RAPGEF5: variants seen among roughly 807,000 people sequenced by gnomAD.
RAPGEF5 encodes M-Ras-regulated GEF.
In RAPGEF5, 65 loss-of-function variants were observed where a neutral mutation model predicts 125.2. The observed-to-expected ratio is 0.52, with a 90% CI of 0.43 to 0.64. The LOEUF (loss-of-function observed/expected upper bound fraction) is 0.64, where lower values mean the gene tolerates loss of function less well. RAPGEF5 is among the 30% of genes least tolerant of loss of function. The pLI is 0.00. For missense variants in RAPGEF5, 958 were observed against 1,048.1 expected (o/e 0.91, Z 1.19); for synonymous variants, 391 against 385.9 (o/e 1.01, Z -0.16).
chr7:22,244,882 T>C (rs1455553909), intron 7 of RAPGEF5, among the ~76,000 whole-genome samples: 1 of 152,242 alleles, frequency 6.6e-6, no homozygotes, highest in Non-Finnish European at 1.5e-5. Flanking sequence ...ATTACATTTC[T>C]AGTTTTTTGA....
chr7:22,299,025 T>C (rs1337675096), intron 5 of RAPGEF5, among the ~76,000 whole-genome samples: 3 of 152,004 alleles, frequency 2.0e-5, no homozygotes, highest in Non-Finnish European at 4.4e-5. Flanking sequence ...GTACCTTTTT[T>C]TTTTTTTTCA....
At chr7:22,139,987 A>AT in intron 21 of RAPGEF5, 38 bp downstream of exon 21, 1 of 1,489,368 alleles carries the variant, frequency 6.7e-7, no homozygotes, top group Non-Finnish European at 9.2e-7. Context: ...CTTTATTTCC[A>AT]TTTTATGTGC....
chr7:22,181,327 A>T (rs1242899520), intron 11 of RAPGEF5, among the ~76,000 whole-genome samples: 1 of 152,230 alleles, frequency 6.6e-6, no homozygotes, highest in East Asian at 1.9e-4. Flanking sequence ...TAATAAGAAA[A>T]AAATAGCAGA....
intron 9 of RAPGEF5, among the ~76,000 whole-genome samples, chr7:22,202,331 G>A (rs571209777): frequency 1.3e-5 from 2 of 152,178 alleles, no homozygotes; most frequent in African/African-American, 4.8e-5. Flanking sequence ...TGCAGACAAG[G>A]CCTCAACCTA....
chr7:22,122,226 C>G lies in RAPGEF5; in HGVS notation c.*180G>C, dbSNP rs1311812761. ...CCGAGAGTAGCATGGAGAAACCTCT[C>G]CCCCTCTCTGGTGGCTGACATCACT... is the stretch of plus-strand genomic sequence containing the variant. On this transcript the variant is annotated 3_prime_UTR_variant, in exon 26 of 26. Transcript: ENST00000665637. 1.8e-6 allele frequency: 1 copy of G among 564,226 alleles called. No individual in the cohort carries two copies. The highest frequency in any genetic ancestry group is 1.9e-5 in the African/African-American group (1 of 53,362). The allele number at this position is 564,226 out of a possible 1,614,324, so 35.0% of individuals were successfully genotyped here.
intron 1 of RAPGEF5, among the ~76,000 whole-genome samples, chr7:22,344,599 A>C (rs1784188701): frequency 6.6e-6 from 1 of 152,186 alleles, no homozygotes; most frequent in Non-Finnish European, 1.5e-5. Context: ...GACTGAACCC[A>C]ACCTAAGCCA....
At chr7:22,195,671 T>C (rs972759377) in intron 9 of RAPGEF5, among the ~76,000 whole-genome samples, 3 of 152,100 alleles carry the variant, frequency 2.0e-5, no homozygotes, top group Non-Finnish European at 4.4e-5. Context: ...GTTATCTATG[T>C]GGCTGAAGTG....
chr7:22,197,536 T>G (rs1785174629), intron 9 of RAPGEF5, among the ~76,000 whole-genome samples: 1 of 152,176 alleles, frequency 6.6e-6, no homozygotes, highest in Non-Finnish European at 1.5e-5. Context: ...TAACTCTTAT[T>G]TATCCCACAA....
Position 22,228,491 on chromosome 7 carries a change from C to T in RAPGEF5, c.870+2355G>A, listed in dbSNP as rs147321163. On this transcript the variant is annotated intron_variant, in intron 8 of 25. Transcript: ENST00000665637. ...TAGGAGCACAAGAGAGTTAACTTGCCCAAAGGTTTTTTGTTTTGCTTTGTT... is the reference window on the plus strand; with the variant it reads ...TAGGAGCACAAGAGAGTTAACTTGCTCAAAGGTTTTTTGTTTTGCTTTGTT... Among the ~76,000 whole-genome samples the T allele has an allele frequency of 1.5e-3, 224 of 151,890 alleles. 2 individuals carry two copies. Among genetic ancestry groups the T allele is most frequent in the African/African-American group, 5.1e-3 (212 of 41,414 alleles).
intron 7 of RAPGEF5, among the ~76,000 whole-genome samples, chr7:22,248,692 C>T (rs527395943): frequency 9.9e-5 from 15 of 152,164 alleles, no homozygotes; most frequent in Admixed American, 2.0e-4. Context: ...GTGATAAACG[C>T]GTGTCTGCTC....
chr7:22,267,011 AC>A lies in RAPGEF5; in HGVS notation c.748del (p.Val250CysfsTer5). Reference sequence around the variant, plus strand: ...AATAACAGCTGCTAGCTCTCTCTGCACCTAATAAAATATTAGGGGGGAAAAT... The same window carrying A: ...AATAACAGCTGCTAGCTCTCTCTGCACTAATAAAATATTAGGGGGGAAAAT... Reference protein sequence around the residue: ...DEILVRLTSAVQRELAAVIAL... With the variant: ...DEILVRLTSAXQRELAAVIAL... On this transcript the variant is annotated frameshift_variant and splice_region_variant, in exon 7 of 26. Transcript: ENST00000665637. LOFTEE classifies it high-confidence loss of function. 2 of 1,607,706 alleles carry A rather than the reference AC, an allele frequency of 1.2e-6. No homozygotes were observed. Among genetic ancestry groups the A allele is most frequent in the Non-Finnish European group, 1.7e-6 (2 of 1,175,262 alleles).
intron 3 of RAPGEF5, among the ~76,000 whole-genome samples, chr7:22,312,670 A>G (rs1394300614): frequency 6.6e-6 from 1 of 152,186 alleles, no homozygotes; most frequent in African/African-American, 2.4e-5. Context: ...TATTAATTAA[A>G]AACTGAGCCC....
intron 11 of RAPGEF5, among the ~76,000 whole-genome samples, chr7:22,181,804 G>C (rs77014793): frequency 0.013 from 1,958 of 152,298 alleles, 47 homozygotes; most frequent in African/African-American, 0.046. Context: ...AAGAAAGCCT[G>C]AGGCAGAAAA....
In RAPGEF5 at chr7:22,267,684, G is replaced by A. The variant is rs182820360; in HGVS notation, c.748-672C>T. Among the ~76,000 whole-genome samples the A allele has an allele frequency of 2.3e-3, 347 of 152,024 alleles. 2 individuals are homozygous for A. Among genetic ancestry groups the A allele is most frequent in the Admixed American group, 9.1e-3 (139 of 15,262 alleles). ...CTTCCCACTTTGAACACTTAAATCC[G>A]TCCTTGAAAACATTTTCAAAGCAGA... On this transcript the variant is annotated intron_variant, in intron 6 of 25. Coordinates refer to ENST00000665637, the MANE Select transcript of RAPGEF5 (RefSeq NM_012294.5).
intron 5 of RAPGEF5, among the ~76,000 whole-genome samples, chr7:22,302,636 A>G (rs1783236712): frequency 1.3e-5 from 2 of 152,174 alleles, no homozygotes; most frequent in Admixed American, 6.5e-5. Flanking sequence ...CCATGTACCC[A>G]GAGGCTACCT....
intron 11 of RAPGEF5, chr7:22,192,698 T>C (rs1785032685): frequency 6.6e-6 from 1 of 152,304 alleles, no homozygotes. Flanking sequence ...TAAGTCATTT[T>C]GTAAGTGGAA....
At chr7:22,220,158 A>T in intron 8 of RAPGEF5, 167 bp from the exon 9 acceptor site, 1 of 795,078 alleles carries the variant, frequency 1.3e-6, no homozygotes, top group South Asian at 2.1e-5. Context: ...CATTATTATA[A>T]CCTAAGAGCA....
At chr7:22,242,348 T>C (rs1433910799) in intron 7 of RAPGEF5, among the ~76,000 whole-genome samples, 5 of 152,192 alleles carry the variant, frequency 3.3e-5, no homozygotes, top group Non-Finnish European at 5.9e-5. Context: ...AGTTTCCACA[T>C]GCCCTGGGGA....
chr7:22,161,187 C>T (rs545134642), intron 13 of RAPGEF5, among the ~76,000 whole-genome samples: 77 of 152,018 alleles, frequency 5.1e-4, no homozygotes, highest in South Asian at 2.5e-3. Flanking sequence ...CCAGCCTAGG[C>T]GACAGAGCGA....
Sources: allele counts gnomAD v4.1 joint callset (sites outside exome capture counted in the v4.1 genomes callset), GRCh38; gene constraint gnomAD v4.1.1; transcripts MANE v1.5; gene names NCBI Gene and HGNC (gene_info 2026-07-23, HGNC 2026-07-21).